The following FGF13 variants were observed in gnomAD, a reference collection of about 807,000 sequenced individuals.
The protein encoded by FGF13 is fibroblast growth factor homologous factor 2.
FGF13 carries 2 observed loss-of-function variants against 19.5 expected under a neutral mutation model. The ratio of observed to expected loss-of-function variants is 0.10; its 90% CI spans 0.04 to 0.32. The LOEUF (loss-of-function observed/expected upper bound fraction) is 0.32. Ranked by LOEUF, FGF13 falls within the 10% of genes least tolerant of loss-of-function variation. FGF13 has a pLI of 1.00. For synonymous variants in FGF13, 72 were observed against 76.9 expected, an observed-to-expected ratio of 0.94 and a Z score of 0.33; for missense variants, 113 against 192.7, an observed-to-expected ratio of 0.59 and a Z score of 2.45.
intron 3 of FGF13, among the ~76,000 whole-genome samples, chrX:138,796,065 T>A (rs898505388): frequency 4.5e-5 from 5 of 111,023 alleles, no homozygotes; most frequent in Non-Finnish European, 7.6e-5. Flanking sequence ...CTTTTTTTTT[T>A]AATTTTACTT....
At chrX:139,118,846 A>AC (rs890064802) in intron 1 of FGF13, among the ~76,000 whole-genome samples, 1 of 110,193 alleles carries the variant, frequency 9.1e-6, no homozygotes, top group East Asian at 2.9e-4. Context: ...ACATATGGAG[A>AC]CCCCACCTCT....
intron 3 of FGF13, among the ~76,000 whole-genome samples, chrX:138,673,147 C>G (rs2089630967): frequency 9.0e-6 from 1 of 111,127 alleles, no homozygotes; most frequent in African/African-American, 3.3e-5. Context: ...ACAATACTTT[C>G]AGGGATTTTG....
At chrX:138,768,726 T>TATATATATATATA (rs1226957604) in intron 3 of FGF13, among the ~76,000 whole-genome samples, 32 of 97,846 alleles carry the variant, frequency 3.3e-4, no homozygotes, top group African/African-American at 1.3e-3. Context: ...TAAGTATATA[T>TATATATATATATA]TATATATATA....
At chrX:139,083,990 G>A (rs748158005) in intron 1 of FGF13, among the ~76,000 whole-genome samples, 57 of 111,030 alleles carry the variant, frequency 5.1e-4, no homozygotes, top group Admixed American at 1.6e-3. Flanking sequence ...GGGGGGTGCC[G>A]AGATGGGGGA....
chrX:138,633,680 T>C (rs1270866995), intron 4 of FGF13, among the ~76,000 whole-genome samples: 1 of 111,718 alleles, frequency 9.0e-6, no homozygotes, highest in Non-Finnish European at 1.9e-5. Flanking sequence ...ATGGAACACA[T>C]AACATTAGAT....
At position 138,653,719 on chromosome X, in the gene FGF13, G is replaced by A. The variant is rs187773090; in HGVS notation, c.403-18064C>T. 2.3e-3 allele frequency among the ~76,000 whole-genome samples: 261 copies of A among 111,254 alleles called. 1 individual carries two copies. The highest frequency in any genetic ancestry group is 4.2e-3 in the Non-Finnish European group (223 of 53,090). ...AGAGGGTTAGCTGAATTCCCTGCAA[G>A]ATAGTCTCTTCTGTATATAAACTAA... On this transcript the variant is annotated intron_variant, in intron 3 of 4. Coordinates refer to ENST00000315930, the MANE Select transcript of FGF13 (RefSeq NM_004114.5).
rs753129866 is a variant in FGF13, at chrX:138,943,819, T to A, written c.-112-79169A>T. 1.7e-4 allele frequency among the ~76,000 whole-genome samples: 19 copies of A among 111,669 alleles called. No individual in the cohort carries two copies. The South Asian group carries it at 6.9e-3, about 41-fold the overall frequency. ...CTCTCGGAGACAGGGTATAACAGGATAAGTGGACACTATTTGACTTCCTGA... is the reference window on the plus strand; with the variant it reads ...CTCTCGGAGACAGGGTATAACAGGAAAAGTGGACACTATTTGACTTCCTGA... On this transcript the variant is annotated intron_variant, in intron 1 of 2. Transcript: ENST00000421460.
At chrX:138,797,407 A>T (rs2090787283) in intron 3 of FGF13, among the ~76,000 whole-genome samples, 1 of 110,989 alleles carries the variant, frequency 9.0e-6, no homozygotes, top group African/African-American at 3.3e-5. Context: ...GTTCTGTTCC[A>T]TTGGACTATA....
At chrX:138,768,032 G>A (rs141678606) in intron 3 of FGF13, among the ~76,000 whole-genome samples, 1,776 of 111,847 alleles carry the variant, frequency 0.016, 25 homozygotes, top group African/African-American at 0.055. Context: ...GAGCCCCGAA[G>A]GGACTGCAAA....
chrX:138,847,637 G>T (rs186145772), intron 3 of FGF13, among the ~76,000 whole-genome samples: 1 of 111,661 alleles, frequency 9.0e-6, no homozygotes, highest in African/African-American at 3.2e-5. Flanking sequence ...TATTGAAGGT[G>T]CTATTCTTAA....
At chrX:138,943,944 G>A (rs1179895857) in intron 1 of FGF13, among the ~76,000 whole-genome samples, 1 of 111,494 alleles carries the variant, frequency 9.0e-6, no homozygotes, top group African/African-American at 3.3e-5. Flanking sequence ...TACGAATTCA[G>A]AACTGGGAAC....
chrX:138,655,861 A>G (rs2089431460), intron 3 of FGF13, among the ~76,000 whole-genome samples: 1 of 111,779 alleles, frequency 8.9e-6, no homozygotes, highest in South Asian at 3.7e-4. Flanking sequence ...TGCTTACCCT[A>G]TGGTTTCAGA....
intron 1 of FGF13, among the ~76,000 whole-genome samples, chrX:139,030,168 A>G (rs921494083): frequency 9.0e-6 from 1 of 111,603 alleles, no homozygotes; most frequent in African/African-American, 3.3e-5. Flanking sequence ...TAACTTAAGA[A>G]TAAGAAATAA....
At chrX:139,140,372 A>T (rs957124244) in intron 1 of FGF13, among the ~76,000 whole-genome samples, 2 of 111,195 alleles carry the variant, frequency 1.8e-5, no homozygotes, top group African/African-American at 6.6e-5. Context: ...CATGCTACCC[A>T]TCGGCAAAGT....
intron 1 of FGF13, among the ~76,000 whole-genome samples, chrX:139,004,379 C>T (rs1010088892): frequency 8.9e-6 from 1 of 112,774 alleles, no homozygotes; most frequent in South Asian, 3.6e-4. Flanking sequence ...AAGCGCCGCA[C>T]GCAGCCCTGG....
intron 1 of FGF13, among the ~76,000 whole-genome samples, chrX:138,932,045 C>T (rs2091704015): frequency 9.1e-6 from 1 of 109,486 alleles, no homozygotes; most frequent in African/African-American, 3.4e-5. Context: ...ATGGAGTTTG[C>T]AGCAGTTTGC....
intron 3 of FGF13, among the ~76,000 whole-genome samples, chrX:138,693,794 C>A (rs2089863166): frequency 9.0e-6 from 1 of 111,486 alleles, no homozygotes; most frequent in Non-Finnish European, 1.9e-5. Flanking sequence ...TGATAATGAT[C>A]ATTTTCTTCA....
chrX:138,907,645 G>T lies in FGF13; in HGVS notation c.-112-42995C>A, dbSNP rs138321792. Among the ~76,000 whole-genome samples, 113 of 111,881 alleles carry T rather than the reference G, an allele frequency of 1.0e-3. 1 individual carries two copies. Among genetic ancestry groups the T allele is most frequent in the Admixed American group, 2.4e-3 (25 of 10,568 alleles). On this transcript the variant is annotated intron_variant, in intron 1 of 2. Coordinates refer to the FGF13 transcript ENST00000421460. ...ACTGAGCATGCTCCTTGAGGGCAGG[G>T]ATGTGGCTGTGCTTTTTGAGACACC... is the stretch of plus-strand genomic sequence containing the variant.
chrX:139,031,977 G>A (rs898059226), intron 1 of FGF13, among the ~76,000 whole-genome samples: 1 of 111,194 alleles, frequency 9.0e-6, no homozygotes, highest in Non-Finnish European at 1.9e-5. Context: ...AATAAGAACA[G>A]ACCAGGTGTC....
Sources: allele counts gnomAD v4.1 joint callset (sites outside exome capture counted in the v4.1 genomes callset), GRCh38; gene constraint gnomAD v4.1.1; transcripts MANE v1.5; gene names NCBI Gene and HGNC (gene_info 2026-07-23, HGNC 2026-07-21).